The following PPP6R2 variants were observed in gnomAD, a reference collection of about 807,000 sequenced individuals.
PPP6R2 encodes serine/threonine-protein phosphatase 6 regulatory subunit 2.
PPP6R2 carries 62 observed loss-of-function variants against 100.2 expected under a neutral mutation model. That is an observed-to-expected ratio of 0.62 (90% CI 0.50 to 0.76). The LOEUF is 0.76. Among genes scored for constraint, PPP6R2 ranks in the 30% least tolerant of loss-of-function variants. The pLI, the probability that PPP6R2 is intolerant of heterozygous loss-of-function variation, is 0.00. For synonymous variants in PPP6R2, 525 were observed against 514.7 expected, an observed-to-expected ratio of 1.02 and a Z score of -0.27; for missense variants, 1,142 against 1,276.3, an observed-to-expected ratio of 0.89 and a Z score of 1.60.
At chr22:50,419,783 C>G (rs1339606382) in intron 8 of PPP6R2, among the ~76,000 whole-genome samples, 2 of 152,186 alleles carry the variant, frequency 1.3e-5, no homozygotes, top group African/African-American at 2.4e-5. Context: ...CCCACAGCTC[C>G]CGTGTGTGTT....
chr22:50,393,885 G>A lies in PPP6R2; in HGVS notation c.-16-8G>A, dbSNP rs753717243. On this transcript the variant is annotated splice_region_variant and splice_polypyrimidine_tract_variant and intron_variant, in intron 2 of 23. Transcript: ENST00000612753. ...TGAGAGACGTGACCCCTTTGCCCTC[G>A]TTTGCAGCTCTGCGGCCGTCACGAT... 24 of 1,613,742 alleles carry A rather than the reference G, an allele frequency of 1.5e-5. No individual in the cohort carries two copies. In the Middle Eastern group the frequency reaches 4.9e-4, roughly 33 times the overall value.
In PPP6R2 at chr22:50,444,509, T is replaced by A; in HGVS notation, c.*262T>A. The A allele has an allele frequency of 4.9e-6, 1 of 203,930 alleles. No individual in the cohort carries two copies. Among genetic ancestry groups the A allele is most frequent in the Non-Finnish European group, 8.9e-6 (1 of 112,334 alleles). 12.6% of individuals were successfully genotyped at this position (203,930 alleles called of 1,614,324 possible). On this transcript the variant is annotated 3_prime_UTR_variant, in exon 24 of 24. Transcript: ENST00000612753. ...CCAAGCCCAGAGCACAGCAATAAGG[T>A]CGGCCTGCAGGAGCCGGGGTGGGGG... is the stretch of plus-strand genomic sequence containing the variant.
At chr22:50,348,966 C>T (rs917476338) in intron 1 of PPP6R2, among the ~76,000 whole-genome samples, 2 of 150,904 alleles carry the variant, frequency 1.3e-5, no homozygotes, top group Non-Finnish European at 3.0e-5. Flanking sequence ...CTGAGGCGGG[C>T]GGATCACCTG....
At chr22:50,367,848 G>C (rs1218639724) in intron 1 of PPP6R2, among the ~76,000 whole-genome samples, 1 of 152,110 alleles carries the variant, frequency 6.6e-6, no homozygotes, top group Non-Finnish European at 1.5e-5. Flanking sequence ...TGGGCCTGGG[G>C]GACCACTACT....
At chr22:50,405,480 C>T (rs1333304300) in intron 3 of PPP6R2, among the ~76,000 whole-genome samples, 24 of 70,856 alleles carry the variant, frequency 3.4e-4, no homozygotes, top group South Asian at 5.5e-4. Flanking sequence ...TGGAGAGAGG[C>T]GAGAGGCCTG....
chr22:50,340,414 GGT>G (rs1601854323), upstream of PPP6R2, among the ~76,000 whole-genome samples: 2 of 105,824 alleles, frequency 1.9e-5, no homozygotes, highest in Admixed American at 9.9e-5. Flanking sequence ...GTGTGTGTAG[GGT>G]GTGTGTGGTG....
intron 22 of PPP6R2, chr22:50,443,623 T>C: frequency 3.5e-6 from 2 of 570,826 alleles, no homozygotes; most frequent in Non-Finnish European, 6.2e-6. Flanking sequence ...ATCTGAGTGC[T>C]GCCTGGAGGA....
At chr22:50,419,649 A>C (rs1294890480) in intron 8 of PPP6R2, among the ~76,000 whole-genome samples, 187 bp downstream of exon 8, 1 of 152,174 alleles carries the variant, frequency 6.6e-6, no homozygotes, top group East Asian at 1.9e-4. Context: ...TTAGACCCTC[A>C]TCATCACTGG....
At chr22:50,346,848 TTC>T (rs1329701582) in intron 1 of PPP6R2, among the ~76,000 whole-genome samples, 2 of 137,676 alleles carry the variant, frequency 1.5e-5, no homozygotes, top group East Asian at 5.2e-4. Flanking sequence ...ATTATTTTCT[TTC>T]TGTCATGTCC....
upstream of PPP6R2, among the ~76,000 whole-genome samples, chr22:50,341,731 A>C (rs989252139): frequency 6.6e-6 from 1 of 151,282 alleles, no homozygotes; most frequent in Non-Finnish European, 1.5e-5. Flanking sequence ...GCGGCGGCTC[A>C]GGCCTGTAAT....
chr22:50,416,289 T>C (rs2060520825), intron 6 of PPP6R2, 132 bp downstream of exon 6: 1 of 738,008 alleles, frequency 1.4e-6, no homozygotes, highest in Admixed American at 2.8e-5. Context: ...TAGGTACTTT[T>C]CTTTCTTTAA....
rs1287619163 is a variant in PPP6R2 at position 50,419,446 on chromosome 22, G to A, written c.829G>A (p.Glu277Lys). 8 of 1,613,986 alleles carry A rather than the reference G, an allele frequency of 5.0e-6. 1 individual carries two copies. Among genetic ancestry groups the A allele is most frequent in the African/African-American group, 1.3e-5 (1 of 74,952 alleles). The change falls in exon 8 of 24, where the codon GAA becomes AAA. Residue 277 changes from glutamate to lysine, a missense_variant. Glu to Lys is a moderately conservative substitution (Grantham distance 56). Around this residue, in one of 2 missense-constraint regions of PPP6R2, gnomAD observed 592 missense variants for 758.9 expected, o/e 0.78. Transcript: ENST00000612753. The stretch of plus-strand genomic sequence containing the variant: ...GACTCAGGTGTTACTCACCTTGCTG[G>A]AAACCAGGCGGGTTGGGTGAGTCTC... ...SGTQVLLTLL[E>K]TRRVGTEGLV...
the PPP6R2 span, among the ~76,000 whole-genome samples, chr22:50,337,381 G>C: frequency 1.4e-5 from 2 of 142,482 alleles, no homozygotes; most frequent in Admixed American, 7.0e-5. Context: ...TGTGTGGGGG[G>C]TGTGTGTGTG....
intron 12 of PPP6R2, among the ~76,000 whole-genome samples, chr22:50,432,849 G>A (rs1185183379): frequency 6.6e-6 from 1 of 152,232 alleles, no homozygotes; most frequent in Admixed American, 6.5e-5. Context: ...GAGCTGGGAG[G>A]GGTCTGAGTG....
In PPP6R2 at chr22:50,405,546, C is replaced by A. The variant is rs150716534; in HGVS notation, c.228-1143C>A. ...GAGAGGCCTGGAGAGAGGTAAGAGG[C>A]CTGGAGAGAGGTGAGAGGCCTGGCA... On this transcript the variant is annotated intron_variant, in intron 3 of 23. Coordinates refer to ENST00000612753, the MANE Select transcript of PPP6R2 (RefSeq NM_001242898.2). Among the ~76,000 whole-genome samples the A allele has an allele frequency of 4.6e-3, 605 of 132,386 alleles. 18 individuals are homozygous for A. In the South Asian group the frequency reaches 0.05, roughly 11 times the overall value. 86.9% of individuals were successfully genotyped at this position (132,386 alleles called of 152,430 possible). A position where few individuals can be genotyped will look rare whatever the true frequency, so the allele number is the denominator to read the frequency against.
intron 2 of PPP6R2, among the ~76,000 whole-genome samples, chr22:50,391,625 GT>G (rs2055576306): frequency 6.6e-6 from 1 of 150,846 alleles, no homozygotes; most frequent in African/African-American, 2.4e-5. Flanking sequence ...GTCTGACAAT[GT>G]TTGTCTTTAA....
intron 10 of PPP6R2, among the ~76,000 whole-genome samples, chr22:50,429,232 C>T (rs1160272223): frequency 1.3e-5 from 2 of 152,076 alleles, no homozygotes; most frequent in Admixed American, 6.6e-5. Context: ...GGTTTCACCA[C>T]GTTGGCCAGG....
At chr22:50,352,196 C>T (rs573210436) in intron 1 of PPP6R2, among the ~76,000 whole-genome samples, 57 of 152,320 alleles carry the variant, frequency 3.7e-4, no homozygotes, top group African/African-American at 1.3e-3. Context: ...CCGCCTCGGC[C>T]TCCCAAAGTG....
At chr22:50,334,136 A>T in the PPP6R2 span, among the ~76,000 whole-genome samples, 1 of 152,294 alleles carries the variant, frequency 6.6e-6, no homozygotes, top group Non-Finnish European at 1.5e-5. Context: ...GAAGCACAGC[A>T]TCACAGAGAC....
Sources: allele counts gnomAD v4.1 joint callset (sites outside exome capture counted in the v4.1 genomes callset), GRCh38; gene constraint gnomAD v4.1.1; regional missense constraint gnomAD v4.1.1; transcripts MANE v1.5; gene names NCBI Gene and HGNC (gene_info 2026-07-23, HGNC 2026-07-21).